CUL4B: variants seen among roughly 807,000 people sequenced by gnomAD.
The protein encoded by CUL4B is cullin 4B.
In CUL4B, 1 loss-of-function variant was observed where a neutral mutation model predicts 69.2. The observed-to-expected ratio is 0.01, with a 90% confidence interval of 0.01 to 0.07. The LOEUF (loss-of-function observed/expected upper bound fraction) is 0.07. Ranked by LOEUF, CUL4B falls within the 10% of genes least tolerant of loss-of-function variation. The pLI is 1.00. For missense variants in CUL4B, 328 were observed against 638.8 expected, an observed-to-expected ratio of 0.51 and a Z score of 5.24; for synonymous variants, 237 against 223.2, an observed-to-expected ratio of 1.06 and a Z score of -0.55.
At chrX:120,560,056 G>C (rs751182436) in intron 1 of CUL4B, 27 bp downstream of exon 1, 19 of 1,208,998 alleles carry the variant, frequency 1.6e-5, no homozygotes, top group Non-Finnish European at 1.1e-6. Flanking sequence ...TCCTTATTAG[G>C]TGATTATGGA....
intron 2 of CUL4B, among the ~76,000 whole-genome samples, chrX:120,547,929 T>C (rs1181465378): frequency 4.5e-5 from 5 of 110,624 alleles, no homozygotes; most frequent in African/African-American, 1.6e-4. Context: ...TTCTTCAGTT[T>C]TGGGAATCAA....
upstream of CUL4B, among the ~76,000 whole-genome samples, chrX:120,566,400 T>TATATATATATGTATATA (rs1925548184): frequency 1.1e-5 from 1 of 88,718 alleles, no homozygotes; most frequent in Non-Finnish European, 2.2e-5. Context: ...TGTATATATA[T>TATATATATATGTATATA]TTGGGTTTTT....
chrX:120,558,083 T>A (rs774470033), intron 1 of CUL4B, 44 bp from the exon 2 acceptor site: 2 of 775,523 alleles, frequency 2.6e-6, no homozygotes, highest in Non-Finnish European at 2.0e-6. Flanking sequence ...CCATGTCAGA[T>A]ACAGTAACCA....
chrX:120,534,949 A>G (rs148681084), intron 16 of CUL4B, among the ~76,000 whole-genome samples: 4 of 112,278 alleles, frequency 3.6e-5, no homozygotes, highest in Non-Finnish European at 7.5e-5. Flanking sequence ...ATGAAAAGCT[A>G]AAGTTTTTTG....
chrX:120,564,354 C>G (rs1208914199), upstream of CUL4B, among the ~76,000 whole-genome samples: 1 of 111,332 alleles, frequency 9.0e-6, no homozygotes, highest in Non-Finnish European at 1.9e-5. Flanking sequence ...GCTTGTAATC[C>G]CAAAACTTTG....
chrX:120,557,356 A>G (rs1284949208), intron 2 of CUL4B, among the ~76,000 whole-genome samples: 2 of 111,860 alleles, frequency 1.8e-5, no homozygotes, highest in African/African-American at 6.5e-5. Context: ...ATTTAAGTGT[A>G]AGGACCCATT....
Position 120,542,956 on chromosome X carries a change from TG to T in CUL4B, c.1324+9del. On this transcript the variant is annotated intron_variant, in intron 9 of 19. Coordinates refer to ENST00000371322, the MANE Select transcript of CUL4B (RefSeq NM_001079872.2). ...AAAAAGCAATCTCTTATTTACAAATTGCCAATTACCTTTCTGAAGAATTGCT... is the reference window on the plus strand; with the variant it reads ...AAAAAGCAATCTCTTATTTACAAATTCCAATTACCTTTCTGAAGAATTGCT... The T allele has an allele frequency of 1.7e-6, 2 of 1,179,340 alleles. No homozygotes were observed. Among genetic ancestry groups the T allele is most frequent in the Non-Finnish European group, 2.3e-6 (2 of 867,190 alleles).
intron 18 of CUL4B, 31 bp from the exon 19 acceptor site, chrX:120,530,285 T>G (rs1463042786): frequency 8.4e-7 from 1 of 1,186,107 alleles, no homozygotes; most frequent in Admixed American, 2.2e-5. Flanking sequence ...CTAGGAATTA[T>G]ACCAGAAGCA....
At chrX:120,541,776 T>C (rs1192703831) in intron 9 of CUL4B, 56 bp from the exon 10 acceptor site, 8 of 720,983 alleles carry the variant, frequency 1.1e-5, no homozygotes, top group Non-Finnish European at 1.8e-5. Flanking sequence ...GTGAACAAGA[T>C]TATCAGACAT....
At chrX:120,543,979 A>G in intron 7 of CUL4B, 135 bp downstream of exon 7, 1 of 570,320 alleles carries the variant, frequency 1.8e-6, no homozygotes, top group Non-Finnish European at 3.0e-6. Flanking sequence ...AAGAAGAGAG[A>G]AAAGAAAGGA....
chrX:120,538,235 A>G (rs192247022), intron 13 of CUL4B, 26 bp from the exon 14 acceptor site: 12 of 1,022,908 alleles, frequency 1.2e-5, no homozygotes, highest in Middle Eastern at 2.8e-4. Context: ...GTACATGTAT[A>G]ATATTTTAAA....
intron 2 of CUL4B, among the ~76,000 whole-genome samples, chrX:120,572,339 C>A (rs1022492561): frequency 1.5e-4 from 16 of 108,216 alleles, no homozygotes; most frequent in Non-Finnish European, 5.7e-5. Context: ...GTGGCGCATG[C>A]CTATAATCCC....
In CUL4B at chrX:120,560,520, T is replaced by C; in HGVS notation, c.119A>G (p.Lys40Arg). ...GCTGCTACTGCTGCTGCTGTTTAAC[T>C]TTCTCTTCTTGGCAGAGGTGGGCGG... ...TTPPTSAKKR[K>R]LNSSSSSSSN... The change falls in exon 1 of 20, where the codon AAG becomes AGG. Residue 40 changes from lysine to arginine, a missense_variant. Physicochemically the swap from Lys to Arg is conservative, Grantham distance 26 (BLOSUM62 2). Coordinates refer to ENST00000371322, the MANE Select transcript of CUL4B (RefSeq NM_001079872.2). 4.1e-6 allele frequency: 5 copies of C among 1,210,225 alleles called. No individual in the cohort carries two copies. The highest frequency in any genetic ancestry group is 5.6e-6 in the Non-Finnish European group (5 of 894,724).
intron 2 of CUL4B, among the ~76,000 whole-genome samples, chrX:120,550,254 G>A (rs1012547202): frequency 8.9e-6 from 1 of 111,964 alleles, no homozygotes; most frequent in African/African-American, 3.2e-5. Flanking sequence ...ACTCCTTAAT[G>A]ACAGAAAGAC....
At chrX:120,529,810 CAAG>C (rs1923204551) in intron 19 of CUL4B, among the ~76,000 whole-genome samples, 1 of 110,814 alleles carries the variant, frequency 9.0e-6, no homozygotes, top group African/African-American at 3.3e-5. Context: ...AATAACCAAC[CAAG>C]AAGTTCAAAA....
intron 10 of CUL4B, 39 bp from the exon 11 acceptor site, chrX:120,540,601 T>C: frequency 1.0e-6 from 1 of 973,148 alleles, no homozygotes; most frequent in African/African-American, 1.9e-5. Flanking sequence ...GTAATCGAAT[T>C]GTCTACAATG....
intron 14 of CUL4B, 149 bp from the exon 15 acceptor site, chrX:120,537,183 T>C: frequency 2.1e-6 from 1 of 485,605 alleles, no homozygotes; most frequent in Non-Finnish European, 3.6e-6. Flanking sequence ...AGACTTTAAA[T>C]GAAACCTACA....
chrX:120,533,486 T>C (rs1402423073), intron 17 of CUL4B, among the ~76,000 whole-genome samples: 2 of 111,844 alleles, frequency 1.8e-5, no homozygotes, highest in Non-Finnish European at 3.8e-5. Flanking sequence ...TGATTCTTCA[T>C]GATTCTATGC....
chrX:120,528,364 G>A (rs964521724), intron 19 of CUL4B, among the ~76,000 whole-genome samples: 2 of 105,616 alleles, frequency 1.9e-5, no homozygotes, highest in Non-Finnish European at 3.9e-5. Flanking sequence ...ACGTGATCGC[G>A]CCACTGCACT....
Sources: allele counts gnomAD v4.1 joint callset (sites outside exome capture counted in the v4.1 genomes callset), GRCh38; gene constraint gnomAD v4.1.1; transcripts MANE v1.5; gene names NCBI Gene and HGNC (gene_info 2026-07-23, HGNC 2026-07-21).